The following MAPK8IP1 variants were observed in gnomAD, a reference collection of about 807,000 sequenced individuals.
MAPK8IP1 encodes mitogen-activated protein kinase 8 interacting protein 1.
In MAPK8IP1, 17 loss-of-function variants were observed where a neutral mutation model predicts 72.6. That is an observed-to-expected ratio of 0.23 (90% CI 0.16 to 0.35). MAPK8IP1 has a LOEUF of 0.35. Among genes scored for constraint, MAPK8IP1 ranks in the 10% least tolerant of loss-of-function variants. MAPK8IP1 has a pLI of 1.00. For synonymous variants in MAPK8IP1, 401 were observed against 443.4 expected (o/e 0.90, Z 1.20); for missense variants, 789 against 1,009.7 (o/e 0.78, Z 2.96).
rs758962920 is a variant in MAPK8IP1 at position 45,904,798 on chromosome 11, G to A, written c.1857G>A (p.Lys619=). ...TGGAGATCAGCGTGCGGGGTGTGAAGATAGGCGTCAAGGCCGATGACTCCC... is the reference window on the plus strand; with the variant it reads ...TGGAGATCAGCGTGCGGGGTGTGAAAATAGGCGTCAAGGCCGATGACTCCC... ...CVLEISVRGV[K]IGVKADDSQE... is the part of the protein sequence containing the mutation. The change falls in exon 9 of 12, where the codon AAG becomes AAA. Residue 619 remains lysine (K), a synonymous_variant. Coordinates refer to ENST00000241014, the MANE Select transcript of MAPK8IP1 (RefSeq NM_005456.4). The surrounding 1 kb of genome is among the most constrained non-coding windows in gnomAD (Gnocchi z 6.4). The A allele has an allele frequency of 6.2e-7, 1 of 1,614,094 alleles. No homozygotes were observed. Among genetic ancestry groups the A allele is most frequent in the South Asian group, 1.1e-5 (1 of 91,084 alleles).
chr11:45,885,814 C>G lies in MAPK8IP1; in HGVS notation c.-7C>G. On this transcript the variant is annotated 5_prime_UTR_variant, in exon 1 of 12. Transcript: ENST00000241014. ...CTCCGCCCGGATGGCCAGGGCTGTG[C>G]CCGAGAATGGCGGAGCGAGAAAGCG... 1 of 1,417,106 alleles carries G rather than the reference C, an allele frequency of 7.1e-7. No individual in the cohort carries two copies. The allele number at this position is 1,417,106 out of a possible 1,614,324, so 87.8% of individuals were successfully genotyped here.
In MAPK8IP1 at chr11:45,906,067, C is replaced by T; in HGVS notation, c.*346C>T. 4 of 466,560 alleles carry T rather than the reference C, an allele frequency of 8.6e-6. No homozygotes were observed. The highest frequency in any genetic ancestry group is 6.9e-5 in the Admixed American group (2 of 28,920). The allele number at this position is 466,560 out of a possible 1,614,324, so 28.9% of individuals were successfully genotyped here. On this transcript the variant is annotated 3_prime_UTR_variant, in exon 12 of 12. Transcript: ENST00000241014. ...CTTACCTCCCCTGCCAGGGCTCGGG[C>T]GCTGTGGCTCCTGCCTTGATGAAGC...
chr11:45,895,636 ATAT>A (rs1340830744), intron 1 of MAPK8IP1, among the ~76,000 whole-genome samples: 5,084 of 101,068 alleles, frequency 0.05, 364 homozygotes, highest in East Asian at 0.35. Flanking sequence ...AAAAAAAAAT[ATAT>A]ATATATATAT....
chr11:45,905,604 T>G, intron 11 of MAPK8IP1, 45 bp from the exon 12 acceptor site: 1 of 1,548,590 alleles, frequency 6.5e-7, no homozygotes, highest in Non-Finnish European at 8.9e-7. Context: ...TGTTCCTCCC[T>G]TGCCAGTGGC....
At chr11:45,895,385 C>T (rs946747513) in intron 1 of MAPK8IP1, among the ~76,000 whole-genome samples, 1 of 152,018 alleles carries the variant, frequency 6.6e-6, no homozygotes, top group African/African-American at 2.4e-5. Context: ...TTTGAGAAGC[C>T]GAGGCGAGCA....
chr11:45,886,339 G>A (rs2086527283), intron 1 of MAPK8IP1, among the ~76,000 whole-genome samples: 1 of 152,340 alleles, frequency 6.6e-6, no homozygotes, highest in East Asian at 1.9e-4. Flanking sequence ...CTGGGGCAAC[G>A]ACATTGTTGG....
chr11:45,905,586 C>A, intron 11 of MAPK8IP1, 63 bp from the exon 12 acceptor site: 2 of 1,455,552 alleles, frequency 1.4e-6, no homozygotes, highest in African/African-American at 1.4e-5. Context: ...AACCCTGGGT[C>A]GGGATCCTGT....
At position 45,904,248 on chromosome 11, in the gene MAPK8IP1, A is replaced by C; in HGVS notation, c.1666+87A>C. 2.1e-6 allele frequency: 3 copies of C among 1,460,304 alleles called. No individual in the cohort carries two copies. Among genetic ancestry groups the C allele is most frequent in the Non-Finnish European group, 2.8e-6 (3 of 1,059,540 alleles). The allele number at this position is 1,460,304 out of a possible 1,614,324, so 90.5% of individuals were successfully genotyped here. A position where few individuals can be genotyped will look rare whatever the true frequency, so the allele number is the denominator to read the frequency against. ...TAGGTGAACGTGTACTCCAGATCTCAGCCAGCCAGGTGGGGGGCTGAGTGG... is the reference window on the plus strand; with the variant it reads ...TAGGTGAACGTGTACTCCAGATCTCCGCCAGCCAGGTGGGGGGCTGAGTGG... On this transcript the variant is annotated intron_variant, in intron 7 of 11. Transcript: ENST00000241014. The surrounding 1 kb of genome is among the most constrained non-coding windows in gnomAD (Gnocchi z 6.4).
chr11:45,889,164 A>G (rs1167029750), intron 1 of MAPK8IP1, among the ~76,000 whole-genome samples: 2 of 152,226 alleles, frequency 1.3e-5, no homozygotes, highest in South Asian at 2.1e-4. Context: ...TTTTTCTTAT[A>G]TATCTTATAC....
Position 45,902,279 on chromosome 11 carries a change from C to T in MAPK8IP1, c.605-93C>T, listed in dbSNP as rs1004661375. 140 of 1,216,876 alleles carry T rather than the reference C, an allele frequency of 1.2e-4. No homozygotes were observed. The highest frequency in any genetic ancestry group is 1.4e-4 in the Non-Finnish European group (121 of 841,928). 75.4% of individuals were successfully genotyped at this position (1,216,876 alleles called of 1,614,324 possible). A position where few individuals can be genotyped will look rare whatever the true frequency, so the allele number is the denominator to read the frequency against. On this transcript the variant is annotated intron_variant, in intron 4 of 11. Transcript: ENST00000241014. This position sits in a 1 kb window ranked among gnomAD's most constrained non-coding sequence, Gnocchi z 9.3. The stretch of plus-strand genomic sequence containing the variant: ...GGCCTGTTGCCCAGGGAGGCTTTGT[C>T]TTGGTTTCTGTGTCACCAAGCTGAG...
intron 1 of MAPK8IP1, among the ~76,000 whole-genome samples, chr11:45,895,545 A>G (rs927787088): frequency 3.3e-5 from 5 of 150,508 alleles, no homozygotes; most frequent in East Asian, 2.0e-4. Flanking sequence ...ACTTGAACCC[A>G]GGTGGCAGAG....
rs2086675759 is a variant in MAPK8IP1 at position 45,903,537 on chromosome 11, G to A, written c.1493+97G>A. ...CCTACATGGCCTCAGCCTAACCCCT[G>A]CCATCAGCCTTCATTTATCCACTCA... On this transcript the variant is annotated intron_variant, in intron 6 of 11. Coordinates refer to ENST00000241014, the MANE Select transcript of MAPK8IP1 (RefSeq NM_005456.4). This position sits in a 1 kb window ranked among gnomAD's most constrained non-coding sequence, Gnocchi z 6.4. 9.8e-7 allele frequency: 1 copy of A among 1,024,060 alleles called. No individual in the cohort carries two copies. Among genetic ancestry groups the A allele is most frequent in the Non-Finnish European group, 1.5e-6 (1 of 677,706 alleles). The allele number at this position is 1,024,060 out of a possible 1,614,324, so 63.4% of individuals were successfully genotyped here.
At position 45,902,558 on chromosome 11, in the gene MAPK8IP1, G is replaced by A. The variant is rs780890708; in HGVS notation, c.791G>A (p.Arg264Gln). The A allele has an allele frequency of 2.2e-5, 36 of 1,612,452 alleles. 1 individual carries two copies. The highest frequency in any genetic ancestry group is 9.9e-5 in the South Asian group (9 of 91,030). The stretch of plus-strand genomic sequence containing the variant: ...CCTGGGGGTCGGGGCCACTCGCATC[G>A]AGACCGAATCCACTACCAGGCCGAT... ...APPGGRGHSH[R>Q]DRIHYQADVR... Residue 264 changes from arginine (R) to glutamine (Q), a missense_variant, in exon 5 of 12, where the codon CGA becomes CAA. Arg to Gln is a conservative substitution (Grantham distance 43). This residue lies in a region of MAPK8IP1 where 377 missense variants were observed against 411.7 expected (regional missense o/e 0.92). Transcript: ENST00000241014. The surrounding 1 kb of genome is among the most constrained non-coding windows in gnomAD (Gnocchi z 9.3).
intron 1 of MAPK8IP1, among the ~76,000 whole-genome samples, chr11:45,889,769 A>G (rs1051539141): frequency 1.3e-5 from 2 of 152,104 alleles, no homozygotes; most frequent in African/African-American, 2.4e-5. Flanking sequence ...GAGCCAGGCC[A>G]TGGCTGCCTG....
rs752526034 is a variant in MAPK8IP1 at position 45,905,730 on chromosome 11, C to A, written c.*9C>A. 1.2e-6 allele frequency: 2 copies of A among 1,612,432 alleles called. No homozygotes were observed. ...ATATCTACCTGGAGTAGCTGTGCAG[C>A]CCCGCCCTCTGCGTCCCCCAGCCCT... is the stretch of plus-strand genomic sequence containing the variant. On this transcript the variant is annotated 3_prime_UTR_variant, in exon 12 of 12. Coordinates refer to ENST00000241014, the MANE Select transcript of MAPK8IP1 (RefSeq NM_005456.4).
In MAPK8IP1 at chr11:45,902,373, G is replaced by C; in HGVS notation, c.606G>C (p.Gly202=). ...VSRSSSPLKT[G]EQTPPHEHIC... ...CTTCATGACCTGCCTGCTCTCCAGG[G>C]GAGCAGACACCACCGCATGAACACA... Residue 202 remains glycine, a splice_region_variant and synonymous_variant, in exon 5 of 12, where the codon GGG becomes GGC. Transcript: ENST00000241014. The surrounding 1 kb of genome is among the most constrained non-coding windows in gnomAD (Gnocchi z 9.3). The C allele has an allele frequency of 6.4e-7, 1 of 1,561,250 alleles. No homozygotes were observed. Among genetic ancestry groups the C allele is most frequent in the South Asian group, 1.2e-5 (1 of 85,356 alleles).
chr11:45,891,853 T>G (rs2086568826), intron 1 of MAPK8IP1, among the ~76,000 whole-genome samples: 1 of 152,236 alleles, frequency 6.6e-6, no homozygotes, highest in Admixed American at 6.5e-5. Context: ...TGGTGCTGGG[T>G]GACGCAGGTG....
chr11:45,890,135 G>T (rs565788006), intron 1 of MAPK8IP1, among the ~76,000 whole-genome samples: 2 of 152,202 alleles, frequency 1.3e-5, no homozygotes, highest in Non-Finnish European at 2.9e-5. Flanking sequence ...AGACCAGAGC[G>T]GGTGGGCAGG....
intron 1 of MAPK8IP1, among the ~76,000 whole-genome samples, chr11:45,888,328 C>T (rs1037719217): frequency 1.2e-4 from 19 of 152,188 alleles, no homozygotes; most frequent in African/African-American, 4.6e-4. Context: ...GCCCAGGCAC[C>T]ATTCTAAGAG....
Sources: gnomAD v4.1 joint callset for allele counts (sites outside exome capture counted in the v4.1 genomes callset) on GRCh38, gnomAD v4.1.1 for gene constraint, gnomAD v4.1.1 regional missense constraint, Gnocchi (gnomAD v3.1) non-coding constraint, MANE v1.5 for transcripts, NCBI Gene and HGNC (gene_info 2026-07-23, HGNC 2026-07-21) for gene names.